Variants in TUBGCP3 observed in about 807,000 individuals in gnomAD.
TUBGCP3 encodes the protein tubulin gamma complex component 3.
A neutral mutation model predicts 123.1 loss-of-function variants in TUBGCP3; 50 were observed. The ratio of observed to expected loss-of-function variants is 0.41; its 90% CI spans 0.32 to 0.51. TUBGCP3 has a LOEUF of 0.51. Among genes scored for constraint, TUBGCP3 ranks in the 20% least tolerant of loss-of-function variants. The pLI is 0.36. For missense variants in TUBGCP3, 882 were observed against 1,127.0 expected (o/e 0.78, Z 3.11); for synonymous variants, 405 against 413.9 (o/e 0.98, Z 0.26).
intron 1 of TUBGCP3, chr13:112,587,198 A>C (rs540828300): frequency 2.6e-5 from 4 of 152,310 alleles, no homozygotes; most frequent in African/African-American, 9.6e-5. Flanking sequence ...ATTTCTTTCA[A>C]AGTACCTCGA....
Position 112,526,934 on chromosome 13 carries a change from C to T in TUBGCP3, c.1555+8G>A, listed in dbSNP as rs1417555545. On this transcript the variant is annotated splice_region_variant and intron_variant, in intron 13 of 21. Coordinates refer to ENST00000261965, the MANE Select transcript of TUBGCP3 (RefSeq NM_006322.6). ...GCCATCATCACCACCCCACCAGCAT[C>T]ATCATACCGTCCTGGGGTGACTCTG... 1.2e-6 allele frequency: 2 copies of T among 1,602,014 alleles called. No homozygotes were observed. The highest frequency in any genetic ancestry group is 1.7e-6 in the Non-Finnish European group (2 of 1,169,386).
chr13:112,563,705 T>C (rs1464971389), intron 3 of TUBGCP3, among the ~76,000 whole-genome samples: 1 of 49,926 alleles, frequency 2.0e-5, no homozygotes, highest in Non-Finnish European at 4.0e-5. Flanking sequence ...CTACTAAAAA[T>C]ACCAAAAAAA....
chr13:112,545,809 G>C lies in TUBGCP3; in HGVS notation c.1225C>G (p.Pro409Ala). 6.2e-7 allele frequency: 1 copy of C among 1,614,098 alleles called. No homozygotes were observed. The highest frequency in any genetic ancestry group is 8.5e-7 in the Non-Finnish European group (1 of 1,180,012). The part of the protein sequence containing the change: ...AVHAYTKTGD[P>A]YMRSLVQHIL... ...TGCTGCACCAGAGACCGCATGTACG[G>C]GTCTCCTGTTTTTGTGTAGGCGTGG... The change falls in exon 11 of 22, where the codon CCG (proline) becomes GCG (alanine). Residue 409 changes from proline to alanine, a missense_variant. By Grantham distance (27) the Pro-to-Ala change is conservative (BLOSUM62 -1). Coordinates refer to ENST00000261965, the MANE Select transcript of TUBGCP3 (RefSeq NM_006322.6). The surrounding 1 kb of genome is among the most constrained non-coding windows in gnomAD (Gnocchi z 4.1).
chr13:112,516,320 A>AT (rs1341384207), intron 17 of TUBGCP3, 120 bp downstream of exon 17: 1 of 1,109,336 alleles, frequency 9.0e-7, no homozygotes, highest in Non-Finnish European at 1.2e-6. Context: ...ATCTGAAAAA[A>AT]ATATATAGCT....
At chr13:112,522,730 C>G (rs1420387234) in intron 13 of TUBGCP3, among the ~76,000 whole-genome samples, 1 of 152,166 alleles carries the variant, frequency 6.6e-6, no homozygotes, top group East Asian at 1.9e-4. Flanking sequence ...ACAGCAGACA[C>G]CTACATGTGT....
intron 21 of TUBGCP3, among the ~76,000 whole-genome samples, chr13:112,487,337 G>A (rs981100312): frequency 8.5e-5 from 13 of 152,052 alleles, no homozygotes; most frequent in Admixed American, 6.6e-4. Context: ...GAGCAGAGAC[G>A]GATTTCTGCT....
upstream of TUBGCP3, among the ~76,000 whole-genome samples, chr13:112,589,439 G>A (rs962902765): frequency 3.3e-5 from 5 of 152,212 alleles, no homozygotes; most frequent in Non-Finnish European, 5.9e-5. Context: ...TTATGCCATA[G>A]CGTCTTTGCC....
intron 11 of TUBGCP3, among the ~76,000 whole-genome samples, chr13:112,534,749 G>T (rs1877903529): frequency 6.6e-6 from 1 of 152,156 alleles, no homozygotes; most frequent in Non-Finnish European, 1.5e-5. Context: ...CCAAGCGTTT[G>T]TGTTTTCGGA....
At chr13:112,532,418 G>A (rs115560837) in intron 11 of TUBGCP3, among the ~76,000 whole-genome samples, 3 of 152,170 alleles carry the variant, frequency 2.0e-5, no homozygotes, top group Non-Finnish European at 4.4e-5. Context: ...CAGCATTTAA[G>A]TAAACATTTG....
At chr13:112,540,112 A>G (rs60002390) in intron 11 of TUBGCP3, among the ~76,000 whole-genome samples, 6 of 135,692 alleles carry the variant, frequency 4.4e-5, no homozygotes, top group Non-Finnish European at 7.9e-5. Context: ...CATTCAGATG[A>G]TCTTGGGAAA....
chr13:112,518,889 C>A, intron 16 of TUBGCP3, 86 bp downstream of exon 16: 2 of 1,164,850 alleles, frequency 1.7e-6, no homozygotes, highest in Non-Finnish European at 2.6e-6. Flanking sequence ...AATTAGAAGT[C>A]CCCAGAGAAG....
At chr13:112,597,172 A>C in the TUBGCP3 span, among the ~76,000 whole-genome samples, 1 of 152,374 alleles carries the variant, frequency 6.6e-6, no homozygotes, top group Non-Finnish European at 1.5e-5. Flanking sequence ...CTGGTCTGTC[A>C]GCCTGACTAA....
At chr13:112,551,248 G>A (rs930314449) in intron 8 of TUBGCP3, among the ~76,000 whole-genome samples, 3 of 152,246 alleles carry the variant, frequency 2.0e-5, no homozygotes, top group Non-Finnish European at 2.9e-5. Flanking sequence ...GCGCGGCAGC[G>A]CCACACACAC....
chr13:112,590,143 AT>A (rs1234933932), upstream of TUBGCP3, among the ~76,000 whole-genome samples: 2 of 152,060 alleles, frequency 1.3e-5, no homozygotes, highest in Non-Finnish European at 2.9e-5. Flanking sequence ...TGCCGGGCTA[AT>A]TTTTTGTATT....
At chr13:112,564,968 A>G (rs948033223) in intron 3 of TUBGCP3, 143 bp downstream of exon 3, 3 of 630,252 alleles carry the variant, frequency 4.8e-6, no homozygotes, top group African/African-American at 1.9e-5. Context: ...CACACAAAAA[A>G]AGCAAATGCT....
At chr13:112,490,125 T>C (rs1043725548) in intron 20 of TUBGCP3, among the ~76,000 whole-genome samples, 3 of 152,242 alleles carry the variant, frequency 2.0e-5, no homozygotes, top group Non-Finnish European at 2.9e-5. Context: ...GTGAGAATGC[T>C]TCTAGTTCCC....
At chr13:112,563,014 C>A (rs960848404) in intron 3 of TUBGCP3, among the ~76,000 whole-genome samples, 1 of 152,170 alleles carries the variant, frequency 6.6e-6, no homozygotes, top group Non-Finnish European at 1.5e-5. Context: ...CCTGCCCGGG[C>A]AGTGCAGATG....
At position 112,565,000 on chromosome 13, in the gene TUBGCP3, C is replaced by T. The variant is rs1344322574; in HGVS notation, c.252+111G>A. The T allele has an allele frequency of 8.4e-6, 7 of 834,922 alleles. No homozygotes were observed. In the East Asian group the frequency reaches 1.4e-4, roughly 17 times the overall value. The allele number at this position is 834,922 out of a possible 1,614,324, so 51.7% of individuals were successfully genotyped here. On this transcript the variant is annotated intron_variant, in intron 3 of 21. Transcript: ENST00000261965. ...TGCTATCTATAATTAAAAGCAATTA[C>T]CAATTATAGAAAAGTTTAATATGAT...
chr13:112,548,283 C>A, intron 8 of TUBGCP3, 107 bp from the exon 9 acceptor site: 1 of 700,908 alleles, frequency 1.4e-6, no homozygotes, highest in Non-Finnish European at 2.3e-6. Context: ...TGGGGTGCTA[C>A]AAGATTTAAA....
Sources: gnomAD v4.1 joint callset for allele counts (sites outside exome capture counted in the v4.1 genomes callset) on GRCh38, gnomAD v4.1.1 for gene constraint, Gnocchi (gnomAD v3.1) non-coding constraint, MANE v1.5 for transcripts, NCBI Gene and HGNC (gene_info 2026-07-23, HGNC 2026-07-21) for gene names.